Variants in LMBRD1 observed in about 807,000 individuals in gnomAD.
LMBRD1 encodes lysosomal cobalamin transport escort protein LMBD1.
In LMBRD1, 64 loss-of-function variants were observed where a neutral mutation model predicts 74.8. The observed-to-expected ratio is 0.86, with a 90% CI of 0.70 to 1.05. The LOEUF is 1.05. Ranked by LOEUF, LMBRD1 falls within the 50% of genes least tolerant of loss-of-function variation. LMBRD1 has a pLI of 0.00. For synonymous variants in LMBRD1, 204 were observed against 216.3 expected (o/e 0.94, Z 0.50); for missense variants, 652 against 645.9 (o/e 1.01, Z -0.10).
chr6:69,755,588 T>TAAA (rs75543340), intron 3 of LMBRD1, among the ~76,000 whole-genome samples: 35,062 of 132,418 alleles, frequency 0.26, 5,063 homozygotes, highest in East Asian at 0.49. Context: ...TCCCAGAACT[T>TAAA]AAAAAAAAAA....
chr6:69,701,858 G>A (rs1455100424), intron 10 of LMBRD1, 31 bp downstream of exon 10: 8 of 1,383,978 alleles, frequency 5.8e-6, no homozygotes, highest in South Asian at 1.2e-5. Context: ...ATTTGTATAA[G>A]TGCTTTAGAA....
At position 69,744,932 on chromosome 6, in the gene LMBRD1, T is replaced by C. The variant is rs565985388; in HGVS notation, c.474-3055A>G. Among the ~76,000 whole-genome samples, 6 of 151,936 alleles carry C rather than the reference T, an allele frequency of 3.9e-5. No individual in the cohort carries two copies. The East Asian group carries it at 1.2e-3, about 29-fold the overall frequency. The stretch of plus-strand genomic sequence containing the variant: ...ATCTCAGCTCACTGCAACCTCTGCC[T>C]CCCGGGTTCAAGCCGTTCTCCTGCC... On this transcript the variant is annotated intron_variant, in intron 5 of 15. Transcript: ENST00000649934.
chr6:69,713,142 T>C (rs150056807), intron 9 of LMBRD1, among the ~76,000 whole-genome samples: 22 of 152,194 alleles, frequency 1.4e-4, no homozygotes, highest in Admixed American at 3.3e-4. Context: ...CCTAGTCAAT[T>C]TATTTTTGAT....
At chr6:69,759,276 T>C (rs1765326784) in intron 3 of LMBRD1, among the ~76,000 whole-genome samples, 1 of 152,168 alleles carries the variant, frequency 6.6e-6, no homozygotes, top group Admixed American at 6.5e-5. Context: ...TGCTCACTGG[T>C]CCCTGGCATT....
At chr6:69,733,424 A>C (rs917030168) in intron 7 of LMBRD1, among the ~76,000 whole-genome samples, 21 of 152,220 alleles carry the variant, frequency 1.4e-4, no homozygotes, top group Non-Finnish European at 5.9e-5. Context: ...TATCTACAAT[A>C]AAACCACATA....
At position 69,724,369 on chromosome 6, in the gene LMBRD1, T is replaced by C. The variant is rs868517617; in HGVS notation, c.637-5288A>G. Among the ~76,000 whole-genome samples the C allele has an allele frequency of 2.7e-4, 32 of 119,182 alleles. 1 individual carries two copies. The highest frequency in any genetic ancestry group is 8.6e-4 in the African/African-American group (30 of 35,036). 78.2% of individuals were successfully genotyped at this position (119,182 alleles called of 152,430 possible). A position where few individuals can be genotyped will look rare whatever the true frequency, so the allele number is the denominator to read the frequency against. ...CATTTAAAAAAAAAAAAAAAAACAC[T>C]ACAGGCCAATATTCATGAATATTCA... On this transcript the variant is annotated intron_variant, in intron 7 of 15. Coordinates refer to ENST00000649934, the MANE Select transcript of LMBRD1 (RefSeq NM_018368.4).
At chr6:69,676,391 C>T in intron 15 of LMBRD1, 59 bp downstream of exon 15, 1 of 1,577,314 alleles carries the variant, frequency 6.3e-7, no homozygotes, top group South Asian at 1.1e-5. Flanking sequence ...AAAGAGTTTA[C>T]ACATTTAACT....
Position 69,700,864 on chromosome 6 carries a change from G to GA in LMBRD1, c.1088dup (p.Leu365SerfsTer2), listed in dbSNP as rs763560394. The GA allele has an allele frequency of 1.5e-6, 2 of 1,367,146 alleles. No homozygotes were observed. The highest frequency in any genetic ancestry group is 2.0e-6 in the Non-Finnish European group (2 of 1,000,658). The allele number at this position is 1,367,146 out of a possible 1,614,324, so 84.7% of individuals were successfully genotyped here. Reference sequence around the variant, plus strand: ...TTGTTATAAGAATATAATCAAGAGGGAAAACCTGAAAAAAAAAGATGAAAT... The same window carrying GA: ...TTGTTATAAGAATATAATCAAGAGGGAAAAACCTGAAAAAAAAAGATGAAAT... On this transcript the variant is annotated frameshift_variant, in exon 12 of 16. Coordinates refer to ENST00000649934, the MANE Select transcript of LMBRD1 (RefSeq NM_018368.4). LOFTEE classifies it high-confidence loss of function.
chr6:69,731,081 T>C (rs1766845396), intron 7 of LMBRD1, among the ~76,000 whole-genome samples: 1 of 152,062 alleles, frequency 6.6e-6, no homozygotes, highest in South Asian at 2.1e-4. Context: ...CATGTGAAAC[T>C]TGTCTTTCTG....
intron 2 of LMBRD1, among the ~76,000 whole-genome samples, chr6:69,788,625 T>C (rs946866475): frequency 6.6e-6 from 1 of 152,236 alleles, no homozygotes; most frequent in Admixed American, 6.5e-5. Flanking sequence ...GTATTAAAAG[T>C]GTATTTATTC....
At chr6:69,740,951 GAGTA>G (rs2149870904) in intron 6 of LMBRD1, among the ~76,000 whole-genome samples, 1 of 152,052 alleles carries the variant, frequency 6.6e-6, no homozygotes, top group South Asian at 2.1e-4. Flanking sequence ...AGGTCACACA[GAGTA>G]AGTTAAGAAA....
At position 69,685,976 on chromosome 6, in the gene LMBRD1, G is replaced by C. The variant is rs1034536277; in HGVS notation, c.1418-9435C>G. On this transcript the variant is annotated intron_variant, in intron 14 of 15. Transcript: ENST00000649934. The stretch of plus-strand genomic sequence containing the variant: ...AGACATGATGGAAAGGGGATGTAAG[G>C]GTCATTATGGCAAACAAAACAAAAT... Among the ~76,000 whole-genome samples the C allele has an allele frequency of 2.0e-5, 3 of 151,814 alleles. No individual in the cohort carries two copies. In the East Asian group the frequency reaches 5.8e-4, roughly 29 times the overall value.
Position 69,700,551 on chromosome 6 carries a change from G to T in LMBRD1, c.1188+214C>A, listed in dbSNP as rs13198709. 0.051 allele frequency among the ~76,000 whole-genome samples: 7,700 copies of T among 151,730 alleles called. 237 individuals are homozygous for T. The highest frequency in any genetic ancestry group is 0.071 in the Middle Eastern group (21 of 294). ...ACAACTAAAAATATCTCTAGATATT[G>T]CCAAATGTTTCCGGGGGGCAAAATC... On this transcript the variant is annotated intron_variant, in intron 12 of 15. Coordinates refer to ENST00000649934, the MANE Select transcript of LMBRD1 (RefSeq NM_018368.4).
intron 3 of LMBRD1, among the ~76,000 whole-genome samples, chr6:69,771,684 T>C (rs974133931): frequency 6.8e-6 from 1 of 146,050 alleles, no homozygotes; most frequent in Non-Finnish European, 1.5e-5. Context: ...CAGGCTTCAG[T>C]AATGACTTCG....
intron 3 of LMBRD1, among the ~76,000 whole-genome samples, chr6:69,759,619 A>G (rs911226491): frequency 6.6e-6 from 1 of 152,166 alleles, no homozygotes; most frequent in Non-Finnish European, 1.5e-5. Context: ...TCTTATAGAT[A>G]CTTCTGTATC....
At chr6:69,759,646 A>G (rs996755028) in intron 3 of LMBRD1, among the ~76,000 whole-genome samples, 6 of 152,138 alleles carry the variant, frequency 3.9e-5, no homozygotes, top group Non-Finnish European at 7.4e-5. Flanking sequence ...GATACAGAAA[A>G]GGTCCCTTTT....
At chr6:69,701,997 G>T (rs1766143339) in intron 9 of LMBRD1, 44 bp from the exon 10 acceptor site, 2 of 1,176,996 alleles carry the variant, frequency 1.7e-6, no homozygotes, top group South Asian at 1.2e-5. Context: ...TCTAAAAGTT[G>T]ATATTAAAAG....
chr6:69,691,151 T>C (rs1451364573), intron 14 of LMBRD1, among the ~76,000 whole-genome samples: 1 of 150,118 alleles, frequency 6.7e-6, no homozygotes, highest in African/African-American at 2.5e-5. Context: ...CTCTCTCTCT[T>C]TTTTTTTTTA....
chr6:69,761,311 AT>A (rs1562116506), intron 3 of LMBRD1, among the ~76,000 whole-genome samples: 1 of 151,960 alleles, frequency 6.6e-6, no homozygotes. Context: ...CTGCAATGCC[AT>A]TTTTTTAACA....
Sources: gnomAD v4.1 joint callset for allele counts (sites outside exome capture counted in the v4.1 genomes callset) on GRCh38, gnomAD v4.1.1 for gene constraint, MANE v1.5 for transcripts, NCBI Gene and HGNC (gene_info 2026-07-23, HGNC 2026-07-21) for gene names.